GABRB1: variants seen among roughly 807,000 people sequenced by gnomAD.
GABRB1 encodes the protein gamma-aminobutyric acid receptor subunit beta-1.
GABRB1 carries 17 observed loss-of-function variants against 51.6 expected under a neutral mutation model. The ratio of observed to expected loss-of-function variants is 0.33; its 90% CI spans 0.23 to 0.49. The LOEUF (loss-of-function observed/expected upper bound fraction) is 0.49. GABRB1 is among the 20% of genes least tolerant of loss of function. The probability of loss-of-function intolerance (pLI) is 0.99; values close to 1 mark genes in which losing one functional copy is unlikely to be tolerated. For synonymous variants in GABRB1, 247 were observed against 218.9 expected (o/e 1.13, Z -1.14); for missense variants, 410 against 600.6 (o/e 0.68, Z 3.32).
chr4:47,336,239 T>C (rs992790498), intron 5 of GABRB1, among the ~76,000 whole-genome samples: 1 of 152,198 alleles, frequency 6.6e-6, no homozygotes, highest in African/African-American at 2.4e-5. Flanking sequence ...GTCATGATCT[T>C]GTAGATATAT....
chr4:47,379,839 G>A (rs1228718044), intron 5 of GABRB1, among the ~76,000 whole-genome samples: 1 of 152,150 alleles, frequency 6.6e-6, no homozygotes, highest in African/African-American at 2.4e-5. Flanking sequence ...TTTGGAAACA[G>A]ACTAATACTG....
chr4:47,286,140 A>T (rs900824304), intron 4 of GABRB1, among the ~76,000 whole-genome samples: 1 of 152,190 alleles, frequency 6.6e-6, no homozygotes, highest in African/African-American at 2.4e-5. Flanking sequence ...GTAGGAGCTG[A>T]GTAAGAGATT....
At chr4:47,041,921 T>C (rs1471400347) in intron 3 of GABRB1, among the ~76,000 whole-genome samples, 1 of 152,056 alleles carries the variant, frequency 6.6e-6, no homozygotes, top group Non-Finnish European at 1.5e-5. Context: ...CTATGGAGTC[T>C]TTTCTGCAGT....
chr4:47,123,979 A>ATG lies in GABRB1; in HGVS notation c.241-37270_241-37269insTG, dbSNP rs1398718641. On this transcript the variant is annotated intron_variant, in intron 3 of 8. Transcript: ENST00000295454. ...TATATATGTATAAATGCACACATGC[A>ATG]CACACACACACACATGCATATATAT... Among the ~76,000 whole-genome samples, 26 of 124,960 alleles carry ATG rather than the reference A, an allele frequency of 2.1e-4. 1 individual carries two copies. The highest frequency in any genetic ancestry group is 8.0e-4 in the African/African-American group (26 of 32,574). The allele number at this position is 124,960 out of a possible 152,430, so 82.0% of individuals were successfully genotyped here. A position where few individuals can be genotyped will look rare whatever the true frequency, so the allele number is the denominator to read the frequency against.
intron 4 of GABRB1, among the ~76,000 whole-genome samples, chr4:47,205,254 A>G (rs1196140787): frequency 2.0e-5 from 3 of 152,204 alleles, no homozygotes; most frequent in Non-Finnish European, 2.9e-5. Flanking sequence ...AGGCACTAAT[A>G]TAATTATGGA....
At chr4:47,421,823 T>C (rs1192802044) in intron 8 of GABRB1, among the ~76,000 whole-genome samples, 2 of 152,082 alleles carry the variant, frequency 1.3e-5, no homozygotes, top group Non-Finnish European at 2.9e-5. Flanking sequence ...ATATTATGCT[T>C]CACTCTATAT....
intron 1 of GABRB1, among the ~76,000 whole-genome samples, chr4:47,017,299 A>T (rs2109447178): frequency 6.6e-6 from 1 of 152,328 alleles, no homozygotes; most frequent in African/African-American, 2.4e-5. Flanking sequence ...AGGGAAAAGT[A>T]TTATGACTCT....
At chr4:47,072,464 A>T (rs73247633) in intron 3 of GABRB1, among the ~76,000 whole-genome samples, 1 of 152,218 alleles carries the variant, frequency 6.6e-6, no homozygotes, top group Non-Finnish European at 1.5e-5. Context: ...CCAGAGAAAA[A>T]GGAAAGGTTA....
chr4:47,217,925 A>G (rs911828539), intron 4 of GABRB1, among the ~76,000 whole-genome samples: 1 of 151,786 alleles, frequency 6.6e-6, no homozygotes, highest in Non-Finnish European at 1.5e-5. Context: ...GAACACTAGA[A>G]CTTATTCCTT....
chr4:47,419,931 A>C (rs1460192501), intron 8 of GABRB1, among the ~76,000 whole-genome samples: 3 of 152,164 alleles, frequency 2.0e-5, no homozygotes, highest in Non-Finnish European at 4.4e-5. Context: ...GTGGAAGAGG[A>C]AGCGTTTCTC....
At chr4:47,281,177 AG>A (rs1298097083) in intron 4 of GABRB1, among the ~76,000 whole-genome samples, 1 of 152,230 alleles carries the variant, frequency 6.6e-6, no homozygotes, top group African/African-American at 2.4e-5. Context: ...AAATATATAA[AG>A]AACTCAAATA....
intron 4 of GABRB1, among the ~76,000 whole-genome samples, chr4:47,170,869 T>C (rs552870547): frequency 6.6e-6 from 1 of 152,308 alleles, no homozygotes; most frequent in East Asian, 1.9e-4. Flanking sequence ...TTAGTTGGCT[T>C]GTATTTTAGA....
chr4:47,089,930 A>T (rs554283605), intron 3 of GABRB1, among the ~76,000 whole-genome samples: 2 of 152,326 alleles, frequency 1.3e-5, no homozygotes, highest in South Asian at 4.1e-4. Flanking sequence ...TTCTCATCAC[A>T]TTATCTGCAA....
At chr4:47,061,041 A>T (rs905545771) in intron 3 of GABRB1, among the ~76,000 whole-genome samples, 3 of 152,240 alleles carry the variant, frequency 2.0e-5, no homozygotes, top group Admixed American at 1.3e-4. Flanking sequence ...TTACTAAAAA[A>T]TAACTATCAG....
intron 4 of GABRB1, among the ~76,000 whole-genome samples, chr4:47,222,742 C>T (rs996824195): frequency 6.6e-6 from 1 of 152,122 alleles, no homozygotes; most frequent in Admixed American, 6.6e-5. Flanking sequence ...AAACAGTTGT[C>T]TTAAGCCACT....
chr4:47,360,549 A>G (rs1726770302), intron 5 of GABRB1, among the ~76,000 whole-genome samples: 2 of 152,112 alleles, frequency 1.3e-5, no homozygotes, highest in Admixed American at 1.3e-4. Context: ...AAGTGCAGAT[A>G]AAACCTTGTT....
At chr4:47,252,881 G>A (rs1343662492) in intron 4 of GABRB1, among the ~76,000 whole-genome samples, 1 of 152,100 alleles carries the variant, frequency 6.6e-6, no homozygotes, top group Admixed American at 6.5e-5. Flanking sequence ...AGATAAAAAT[G>A]AGACTTTTTG....
chr4:47,266,564 A>G (rs144451445), intron 4 of GABRB1, among the ~76,000 whole-genome samples: 1 of 152,166 alleles, frequency 6.6e-6, no homozygotes, highest in African/African-American at 2.4e-5. Flanking sequence ...CAGGTTGTTT[A>G]ATTTCATATA....
At chr4:47,321,538 G>A (rs1725087174) in intron 5 of GABRB1, among the ~76,000 whole-genome samples, 2 of 152,012 alleles carry the variant, frequency 1.3e-5, no homozygotes, top group African/African-American at 4.8e-5. Flanking sequence ...TATATATAAA[G>A]TATTGATGGT....
Sources: allele counts gnomAD v4.1 joint callset (sites outside exome capture counted in the v4.1 genomes callset), GRCh38; gene constraint gnomAD v4.1.1; transcripts MANE v1.5; gene names NCBI Gene and HGNC (gene_info 2026-07-23, HGNC 2026-07-21).